Variants in ARFGAP3 observed in about 807,000 individuals in gnomAD.
ARFGAP3 encodes the protein ADP-ribosylation factor GTPase-activating protein 3.
Under a neutral mutation model 75.0 loss-of-function variants are expected in ARFGAP3, and 72 were observed. That is an observed-to-expected ratio of 0.96 (90% confidence interval 0.79 to 1.17). The LOEUF is 1.17. Ranked by LOEUF, ARFGAP3 falls within the 50% of genes most tolerant of loss-of-function variation. The pLI, the probability that ARFGAP3 is intolerant of heterozygous loss-of-function variation, is 0.00. For synonymous variants in ARFGAP3, 221 were observed against 217.9 expected (o/e 1.01, Z -0.13); for missense variants, 620 against 626.6 (o/e 0.99, Z 0.11).
intron 1 of ARFGAP3, among the ~76,000 whole-genome samples, chr22:42,856,604 A>T (rs1448348715): frequency 2.6e-5 from 4 of 152,250 alleles, no homozygotes; most frequent in African/African-American, 9.6e-5. Flanking sequence ...GCCAAAGCGT[A>T]GACTACTCGG....
At chr22:42,836,352 C>T (rs1255649873) in intron 3 of ARFGAP3, among the ~76,000 whole-genome samples, 1 of 152,050 alleles carries the variant, frequency 6.6e-6, no homozygotes, top group Non-Finnish European at 1.5e-5. Context: ...TGGCTCACTG[C>T]AGCCTCCAAC....
intron 14 of ARFGAP3, among the ~76,000 whole-genome samples, chr22:42,802,553 A>C (rs1357226436): frequency 6.6e-6 from 1 of 150,760 alleles, no homozygotes; most frequent in Admixed American, 6.6e-5. Flanking sequence ...TCAGCCTCCC[A>C]AAGTGCTGGG....
At chr22:42,842,336 T>C (rs1287319788) in intron 2 of ARFGAP3, among the ~76,000 whole-genome samples, 3 of 136,022 alleles carry the variant, frequency 2.2e-5, no homozygotes, top group Non-Finnish European at 3.1e-5. Flanking sequence ...TAAATAGAGA[T>C]AGGGTCTTGT....
rs561941189 is a variant in ARFGAP3 at position 42,819,167 on chromosome 22, T to C, written c.813-1310A>G. On this transcript the variant is annotated intron_variant, in intron 9 of 15. Transcript: ENST00000263245. ...TGCTTTTGCTGTTTCTTTTCTTTAATGAGTCAAGCAAGATTTCTTTGGTTT... is the reference window on the plus strand; with the variant it reads ...TGCTTTTGCTGTTTCTTTTCTTTAACGAGTCAAGCAAGATTTCTTTGGTTT... Among the ~76,000 whole-genome samples the C allele has an allele frequency of 9.8e-5, 15 of 152,342 alleles. No homozygotes were observed. In the South Asian group the frequency reaches 2.1e-3, roughly 21 times the overall value.
chr22:42,839,164 T>C (rs892128288), intron 3 of ARFGAP3, among the ~76,000 whole-genome samples: 14 of 145,778 alleles, frequency 9.6e-5, no homozygotes, highest in South Asian at 4.5e-4. Context: ...GGTTTGTAAA[T>C]GGGGTTAAGG....
At chr22:42,809,695 A>G (rs1471771352) in intron 12 of ARFGAP3, among the ~76,000 whole-genome samples, 1 of 152,128 alleles carries the variant, frequency 6.6e-6, no homozygotes, top group Non-Finnish European at 1.5e-5. Context: ...CTATATGTAA[A>G]TAATACCTTA....
intron 12 of ARFGAP3, 148 bp downstream of exon 12, chr22:42,810,665 G>C (rs1925326386): frequency 1.4e-6 from 1 of 693,264 alleles, no homozygotes; most frequent in African/African-American, 1.8e-5. Flanking sequence ...GTGATCCTTT[G>C]ACCTCGGCCT....
intron 12 of ARFGAP3, 166 bp from the exon 13 acceptor site, chr22:42,809,056 C>A: frequency 1.9e-6 from 1 of 525,056 alleles, no homozygotes; most frequent in Non-Finnish European, 2.4e-6. Flanking sequence ...AGAATAAATA[C>A]CCAAACGATA....
chr22:42,799,087 A>C lies in ARFGAP3; in HGVS notation c.1485T>G (p.Val495=). The change falls in exon 15 of 16, where the codon GTT becomes GTG. Residue 495 remains valine, a synonymous_variant. Transcript: ENST00000263245. ...MAQFKQGVRS[V]AGKLSVFANG... ...TAGCAAAGACGGAGAGTTTTCCAGC[A>C]ACCGATCTCACTCCCTGCTTGAACT... is the stretch of plus-strand genomic sequence containing the variant. 6.2e-7 allele frequency: 1 copy of C among 1,614,152 alleles called. No homozygotes were observed. Among genetic ancestry groups the C allele is most frequent in the Non-Finnish European group, 8.5e-7 (1 of 1,180,034 alleles).
intron 14 of ARFGAP3, among the ~76,000 whole-genome samples, chr22:42,800,942 CCA>C (rs1351246569): frequency 6.6e-6 from 1 of 151,828 alleles, no homozygotes; most frequent in Non-Finnish European, 1.5e-5. Context: ...CCCAGAACAC[CCA>C]CAGTGTGTAC....
chr22:42,797,827 GCC>G, intron 15 of ARFGAP3: 3 of 808,818 alleles, frequency 3.7e-6, no homozygotes, highest in Non-Finnish European at 4.5e-6. Context: ...TTCACATCCT[GCC>G]TCTGGCATCC....
Position 42,827,015 on chromosome 22 carries a change from A to G in ARFGAP3, c.566-16T>C, listed in dbSNP as rs1275105078. ...TCTTGTCCACCTGAAAATTCAAAAC[A>G]TTGATATTAGCGCAGAAAATATACT... is the stretch of plus-strand genomic sequence containing the variant. On this transcript the variant is annotated splice_polypyrimidine_tract_variant and intron_variant, in intron 6 of 15. Transcript: ENST00000263245. 1.9e-6 allele frequency: 3 copies of G among 1,612,730 alleles called. No homozygotes were observed. The highest frequency in any genetic ancestry group is 1.1e-5 in the South Asian group (1 of 90,680).
At chr22:42,845,654 TG>T (rs1322335349) in intron 2 of ARFGAP3, among the ~76,000 whole-genome samples, 1 of 152,006 alleles carries the variant, frequency 6.6e-6, no homozygotes, top group Non-Finnish European at 1.5e-5. Context: ...AGAATGAAGT[TG>T]AACTCTTACC....
chr22:42,855,682 C>CA (rs1443241832), intron 1 of ARFGAP3, among the ~76,000 whole-genome samples: 2 of 141,458 alleles, frequency 1.4e-5, no homozygotes, highest in East Asian at 2.0e-4. Context: ...GGCTCTGTCT[C>CA]AAAAAAATTA....
At chr22:42,804,877 A>G in intron 14 of ARFGAP3, among the ~76,000 whole-genome samples, 1 of 152,208 alleles carries the variant, frequency 6.6e-6, no homozygotes, top group Non-Finnish European at 1.5e-5. Context: ...GGAAAGTATT[A>G]AAGACAAAAT....
intron 3 of ARFGAP3, among the ~76,000 whole-genome samples, chr22:42,837,064 G>A (rs1447037651): frequency 6.6e-6 from 1 of 152,212 alleles, no homozygotes; most frequent in South Asian, 2.1e-4. Flanking sequence ...GGGTGACTCT[G>A]CAACCTTGGG....
At chr22:42,809,660 T>C (rs1251124726) in intron 12 of ARFGAP3, among the ~76,000 whole-genome samples, 1 of 152,028 alleles carries the variant, frequency 6.6e-6, no homozygotes, top group African/African-American at 2.4e-5. Flanking sequence ...TTGTCAGAAC[T>C]GTAAGTTTAA....
Position 42,817,737 on chromosome 22 carries a change from A to C in ARFGAP3, c.933T>G (p.Asn311Lys). 6.2e-7 allele frequency: 1 copy of C among 1,612,288 alleles called. No homozygotes were observed. Among genetic ancestry groups the C allele is most frequent in the Non-Finnish European group, 8.5e-7 (1 of 1,179,118 alleles). ...AAAGCAGTCTCACATACCTTCTGCAATTTCCAAATCCCATGCCGAGTCTGT... is the reference window on the plus strand; with the variant it reads ...AAAGCAGTCTCACATACCTTCTGCACTTTCCAAATCCCATGCCGAGTCTGT... ...DSDRLGMGFG[N>K]CRSVISHSVT... Residue 311 changes from asparagine to lysine, a missense_variant, in exon 10 of 16, where the codon AAT (asparagine) becomes AAG (lysine). Transcript: ENST00000263245.
Position 42,819,014 on chromosome 22 carries a change from T to C in ARFGAP3, c.813-1157A>G, listed in dbSNP as rs764678337. Among the ~76,000 whole-genome samples the C allele has an allele frequency of 4.6e-5, 7 of 151,878 alleles. No individual in the cohort carries two copies. The South Asian group carries it at 6.2e-4, about 14-fold the overall frequency. ...TTTTAGTAGAGACGAGGTTTCACCA[T>C]GTTGGCCAGGCTGGTCTCGAACTCC... On this transcript the variant is annotated intron_variant, in intron 9 of 15. Coordinates refer to ENST00000263245, the MANE Select transcript of ARFGAP3 (RefSeq NM_014570.5).
Sources: gnomAD v4.1 joint callset for allele counts (sites outside exome capture counted in the v4.1 genomes callset) on GRCh38, gnomAD v4.1.1 for gene constraint, MANE v1.5 for transcripts, NCBI Gene and HGNC (gene_info 2026-07-23, HGNC 2026-07-21) for gene names.